Variants in NTM observed in about 807,000 individuals in gnomAD.
The protein encoded by NTM is IgLON family member 2.
A neutral mutation model predicts 42.1 loss-of-function variants in NTM; 13 were observed. That is an observed-to-expected ratio of 0.31 (90% CI 0.20 to 0.49). The LOEUF (loss-of-function observed/expected upper bound fraction) is 0.49. Ranked by LOEUF, NTM falls within the 20% of genes least tolerant of loss-of-function variation. The probability of loss-of-function intolerance (pLI) is 0.99; values close to 1 mark genes in which losing one functional copy is unlikely to be tolerated. For missense variants in NTM, 373 were observed against 452.8 expected (o/e 0.82, Z 1.60); for synonymous variants, 187 against 179.2 (o/e 1.04, Z -0.35).
chr11:131,815,216 C>T (rs1451381224), intron 1 of NTM, among the ~76,000 whole-genome samples: 1 of 152,162 alleles, frequency 6.6e-6, no homozygotes, highest in Non-Finnish European at 1.5e-5. Flanking sequence ...CCGCCTTCTC[C>T]CACCTCACCT....
chr11:131,646,858 A>T (rs2065833251), intron 1 of NTM, among the ~76,000 whole-genome samples: 1 of 152,134 alleles, frequency 6.6e-6, no homozygotes, highest in Admixed American at 6.5e-5. Flanking sequence ...TTCAGTATTG[A>T]TTTTTATATT....
intron 7 of NTM, 125 bp downstream of exon 7, chr11:132,314,828 GAA>G (rs533387101): frequency 3.6e-6 from 5 of 1,376,412 alleles, no homozygotes; most frequent in Non-Finnish European, 4.7e-6. Context: ...GGAGAGGGAG[GAA>G]AAAAAAGAGA....
At chr11:131,856,673 G>T (rs1466744937) in intron 1 of NTM, among the ~76,000 whole-genome samples, 1 of 152,132 alleles carries the variant, frequency 6.6e-6, no homozygotes, top group Non-Finnish European at 1.5e-5. Context: ...CCAGCCAAAA[G>T]AAAAGAAATG....
Position 131,486,985 on chromosome 11 carries a change from T to C in NTM, c.82+116097T>C, listed in dbSNP as rs147886044. Among the ~76,000 whole-genome samples the C allele has an allele frequency of 2.6e-3, 391 of 152,276 alleles. 2 individuals carry two copies. The highest frequency in any genetic ancestry group is 9.2e-3 in the African/African-American group (384 of 41,548). Reference sequence around the variant, plus strand: ...TTTGATAACACATTATCCTATTTACTCTTTGTAATGCCACCAGTTCTTCAT... The same window carrying C: ...TTTGATAACACATTATCCTATTTACCCTTTGTAATGCCACCAGTTCTTCAT... On this transcript the variant is annotated intron_variant, in intron 1 of 8. Transcript: ENST00000683400.
chr11:132,295,143 AACAC>A (rs370623032), intron 4 of NTM, among the ~76,000 whole-genome samples: 1 of 150,788 alleles, frequency 6.6e-6, no homozygotes, highest in Admixed American at 6.6e-5. Context: ...CACACACACA[AACAC>A]ACACACACAC....
intron 2 of NTM, among the ~76,000 whole-genome samples, chr11:131,962,104 C>T (rs182581060): frequency 1.3e-5 from 2 of 152,228 alleles, no homozygotes; most frequent in African/African-American, 2.4e-5. Flanking sequence ...TTCTGAGCCC[C>T]TTCCCTCCTT....
At chr11:132,203,548 A>G (rs182150337) in intron 3 of NTM, among the ~76,000 whole-genome samples, 174 of 152,284 alleles carry the variant, frequency 1.1e-3, no homozygotes, top group African/African-American at 3.9e-3. Flanking sequence ...ATCTTCATGT[A>G]TATTCCCATG....
At chr11:132,315,170 C>A in intron 7 of NTM, 1 of 765,084 alleles carries the variant, frequency 1.3e-6, no homozygotes, top group Non-Finnish European at 1.6e-6. Context: ...GGAATGTTTG[C>A]TATTTCAGTC....
intron 4 of NTM, among the ~76,000 whole-genome samples, chr11:132,258,452 CAT>C (rs1474308855): frequency 1.3e-5 from 2 of 152,118 alleles, no homozygotes; most frequent in African/African-American, 2.4e-5. Flanking sequence ...GGACTGCTGA[CAT>C]ATTTTAAATA....
At chr11:132,284,657 TACG>T (rs1243424340) in intron 4 of NTM, 1 of 152,668 alleles carries the variant, frequency 6.6e-6, no homozygotes, top group African/African-American at 2.4e-5. Flanking sequence ...GACTTCAACT[TACG>T]GATTTGGGGT....
chr11:131,791,815 G>A (rs2090979520), intron 1 of NTM, among the ~76,000 whole-genome samples: 1 of 152,220 alleles, frequency 6.6e-6, no homozygotes, highest in African/African-American at 2.4e-5. Context: ...GCTTTGGAGG[G>A]AGAGTTTGAA....
At position 132,314,633 on chromosome 11, in the gene NTM, T is replaced by C. The variant is rs750209765; in HGVS notation, c.864T>C (p.His288=). The C allele has an allele frequency of 1.9e-6, 3 of 1,613,874 alleles. No individual in the cohort carries two copies. Among genetic ancestry groups the C allele is most frequent in the East Asian group, 2.2e-5 (1 of 44,898 alleles). The change falls in exon 7 of 9, where the codon CAT becomes CAC. Residue 288 remains histidine, a synonymous_variant. Transcript: ENST00000683400. The stretch of plus-strand genomic sequence containing the variant: ...TCATCTTCTTCAATGTCTCTGAACA[T>C]GACTATGGGAACTACACTTGCGTGG... The part of the protein sequence containing the change: ...SKLIFFNVSE[H]DYGNYTCVAS...
intron 1 of NTM, among the ~76,000 whole-genome samples, chr11:131,870,980 C>G (rs1348662079): frequency 6.6e-6 from 1 of 152,120 alleles, no homozygotes; most frequent in Non-Finnish European, 1.5e-5. Flanking sequence ...CTGACCTAAC[C>G]TAAATACAGA....
chr11:132,290,489 A>G (rs973201609), intron 4 of NTM, among the ~76,000 whole-genome samples: 1 of 152,162 alleles, frequency 6.6e-6, no homozygotes, highest in Non-Finnish European at 1.5e-5. Flanking sequence ...TACTGAGCGT[A>G]TTGTTTTAAT....
At chr11:131,578,370 G>C (rs1592106444) in intron 1 of NTM, among the ~76,000 whole-genome samples, 1 of 152,180 alleles carries the variant, frequency 6.6e-6, no homozygotes, top group Non-Finnish European at 1.5e-5. Context: ...GAGGCTCTTT[G>C]AAAGAGTCTT....
chr11:131,407,138 C>G (rs1053846745), intron 1 of NTM, among the ~76,000 whole-genome samples: 1 of 152,180 alleles, frequency 6.6e-6, no homozygotes, highest in Non-Finnish European at 1.5e-5. Flanking sequence ...ACTCCACTTA[C>G]CATTTCTATC....
In NTM at chr11:132,016,121, G is replaced by C. The variant is rs1253342137; in HGVS notation, c.167+104473G>C. On this transcript the variant is annotated intron_variant, in intron 2 of 8. Transcript: ENST00000683400. ...TGAGAGTTTTTTTTTTTCACGCAAG[G>C]GTGTTGAATTTTATCAAATGCTTTT... Among the ~76,000 whole-genome samples, 6 of 151,426 alleles carry C rather than the reference G, an allele frequency of 4.0e-5. No homozygotes were observed. In the East Asian group the frequency reaches 5.8e-4, roughly 15 times the overall value.
chr11:131,802,277 ATTCCTTTCTTGT>A lies in NTM; in HGVS notation c.83-109278_83-109267del, dbSNP rs137993080. Among the ~76,000 whole-genome samples the A allele has an allele frequency of 1.7e-3, 255 of 152,196 alleles. 3 individuals carry two copies. In the East Asian group the frequency reaches 0.04, roughly 24 times the overall value. On this transcript the variant is annotated intron_variant, in intron 1 of 8. Coordinates refer to ENST00000683400, the MANE Select transcript of NTM (RefSeq NM_001352005.2). The stretch of plus-strand genomic sequence containing the variant: ...AGAATTAATTCAGCTTTTCTCTTGG[ATTCCTTTCTTGT>A]TTCCTTTCCTCCTGCATTGTCGTGC...
At chr11:131,834,879 A>C (rs943644952) in intron 1 of NTM, among the ~76,000 whole-genome samples, 4 of 152,074 alleles carry the variant, frequency 2.6e-5, no homozygotes, top group Non-Finnish European at 4.4e-5. Flanking sequence ...TTTAATGTCT[A>C]ACAAGTACAG....
Sources: allele counts gnomAD v4.1 joint callset (sites outside exome capture counted in the v4.1 genomes callset), GRCh38; gene constraint gnomAD v4.1.1; transcripts MANE v1.5; gene names NCBI Gene and HGNC (gene_info 2026-07-23, HGNC 2026-07-21).